The following SRP9 variants were observed in gnomAD, a reference collection of about 807,000 sequenced individuals.
SRP9 encodes the protein signal recognition particle 9, also known as signal recognition particle 9 kDa protein.
SRP9 carries 2 observed loss-of-function variants against 11.7 expected under a neutral mutation model. The observed-to-expected ratio is 0.17, with a 90% CI of 0.07 to 0.54. The LOEUF is 0.54. SRP9 is among the 20% of genes least tolerant of loss of function. SRP9 has a pLI of 0.94. For missense variants in SRP9, 54 were observed against 108.1 expected (o/e 0.50, Z 2.22); for synonymous variants, 27 against 35.6 (o/e 0.76, Z 0.86).
intron 2 of SRP9, 128 bp from the exon 3 acceptor site, chr1:225,789,112 G>C: frequency 1.3e-6 from 2 of 1,551,324 alleles, no homozygotes; most frequent in Non-Finnish European, 1.7e-6. Flanking sequence ...TCCCTAGTAC[G>C]ACCTCCAAGG....
In SRP9 at chr1:225,781,911, A is replaced by T. The variant is rs375464419; in HGVS notation, c.73-1389A>T. On this transcript the variant is annotated intron_variant, in intron 1 of 2. Transcript: ENST00000304786. Reference sequence around the variant, plus strand: ...AATTAACCTAGTTACTACTATTTATACCTGCTTAAATGCTTGATGAGTTCC... The same window carrying T: ...AATTAACCTAGTTACTACTATTTATTCCTGCTTAAATGCTTGATGAGTTCC... Among the ~76,000 whole-genome samples the T allele has an allele frequency of 7.9e-5, 12 of 152,320 alleles. No homozygotes were observed. The East Asian group carries it at 1.9e-3, about 24-fold the overall frequency.
intron 2 of SRP9, chr1:225,789,035 A>C (rs1218922481): frequency 6.4e-7 from 1 of 1,550,910 alleles, no homozygotes; most frequent in East Asian, 2.4e-5. Flanking sequence ...TGTCCACAGC[A>C]GTGGCATTTA....
chr1:225,784,634 G>A (rs372927865), intron 2 of SRP9, among the ~76,000 whole-genome samples: 1 of 151,906 alleles, frequency 6.6e-6, no homozygotes, highest in East Asian at 2.0e-4. Context: ...AAGGTCAGGA[G>A]ATCGAGACCA....
chr1:225,784,913 C>T (rs554878669), intron 2 of SRP9, among the ~76,000 whole-genome samples: 17 of 152,146 alleles, frequency 1.1e-4, no homozygotes, highest in South Asian at 4.2e-4. Context: ...TTATTTTCCA[C>T]GTGGTCAGAA....
At chr1:225,788,933 A>G in intron 2 of SRP9, 1 of 1,422,028 alleles carries the variant, frequency 7.0e-7, no homozygotes. Flanking sequence ...GAAAATATCT[A>G]ATTCTAAGTC....
At chr1:225,779,798 T>A (rs1665758687) in intron 1 of SRP9, among the ~76,000 whole-genome samples, 1 of 152,210 alleles carries the variant, frequency 6.6e-6, no homozygotes, top group African/African-American at 2.4e-5. Context: ...GCAGGGTCAT[T>A]TGTTTCTTCA....
chr1:225,789,132 C>A, intron 2 of SRP9, 108 bp from the exon 3 acceptor site: 1 of 1,551,632 alleles, frequency 6.4e-7, no homozygotes, highest in Non-Finnish European at 8.7e-7. Flanking sequence ...GAGAATAGAG[C>A]AAAACAGTGG....
chr1:225,783,181 C>G (rs1419518460), intron 1 of SRP9, 119 bp from the exon 2 acceptor site: 1 of 662,628 alleles, frequency 1.5e-6, no homozygotes. Flanking sequence ...GTAAAAATGC[C>G]TTTAGATGTT....
intron 2 of SRP9, among the ~76,000 whole-genome samples, chr1:225,784,433 T>C (rs1428611603): frequency 4.6e-5 from 7 of 150,572 alleles, no homozygotes; most frequent in African/African-American, 1.7e-4. Context: ...GTATTTTTAG[T>C]AGAGACAGGG....
intron 1 of SRP9, among the ~76,000 whole-genome samples, chr1:225,781,224 C>G (rs987131351): frequency 4.6e-5 from 7 of 151,950 alleles, no homozygotes; most frequent in African/African-American, 1.7e-4. Context: ...AGCATTTTAT[C>G]TGTATATCCC....
chr1:225,782,611 C>T (rs1665822917), intron 1 of SRP9, among the ~76,000 whole-genome samples: 1 of 152,162 alleles, frequency 6.6e-6, no homozygotes, highest in South Asian at 2.1e-4. Flanking sequence ...TAGGAATATG[C>T]TAATATCTAA....
rs67816765 is a variant in SRP9, at chr1:225,780,178, A to ATTT, written c.72+2190_72+2192dup. 1.9e-3 allele frequency among the ~76,000 whole-genome samples: 245 copies of ATTT among 130,156 alleles called. 4 individuals are homozygous for ATTT. Among genetic ancestry groups the ATTT allele is most frequent in the East Asian group, 0.013 (55 of 4,380 alleles). The allele number at this position is 130,156 out of a possible 152,430, so 85.4% of individuals were successfully genotyped here. A position where few individuals can be genotyped will look rare whatever the true frequency, so the allele number is the denominator to read the frequency against. On this transcript the variant is annotated intron_variant, in intron 1 of 2. Coordinates refer to ENST00000304786, the MANE Select transcript of SRP9 (RefSeq NM_003133.6). ...ACAGACATGCCACCATGCCTGCCTA[A>ATTT]TTTTTTTTTTTTTTTTTTTTTTTTT...
chr1:225,778,128 T>G (rs1278134775), intron 1 of SRP9, 116 bp downstream of exon 1: 38 of 1,132,632 alleles, frequency 3.4e-5, no homozygotes. Context: ...TGAACACAAA[T>G]GGACCCTGCC....
chr1:225,780,996 C>T (rs559599701), intron 1 of SRP9, among the ~76,000 whole-genome samples: 1 of 152,366 alleles, frequency 6.6e-6, no homozygotes, highest in East Asian at 1.9e-4. Flanking sequence ...CTCCCAGTCA[C>T]AGTCTGACCC....
chr1:225,788,420 T>C (rs1412060485), intron 2 of SRP9, among the ~76,000 whole-genome samples: 1 of 150,926 alleles, frequency 6.6e-6, no homozygotes, highest in Non-Finnish European at 1.5e-5. Flanking sequence ...CAAGATTTTT[T>C]TTTTTTTTTT....
At chr1:225,783,699 A>G (rs1016554140) in intron 2 of SRP9, among the ~76,000 whole-genome samples, 1 of 152,160 alleles carries the variant, frequency 6.6e-6, no homozygotes, top group Non-Finnish European at 1.5e-5. Context: ...GCTTTATTGT[A>G]TTTCCTGTCT....
rs148350559 is a variant in SRP9 at position 225,785,937 on chromosome 1, C to T, written c.141+2569C>T. 1.5e-4 allele frequency among the ~76,000 whole-genome samples: 23 copies of T among 152,210 alleles called. No individual in the cohort carries two copies. The East Asian group carries it at 3.7e-3, about 24-fold the overall frequency. On this transcript the variant is annotated intron_variant, in intron 2 of 2. Coordinates refer to ENST00000304786, the MANE Select transcript of SRP9 (RefSeq NM_003133.6). ...CTGACCTCAAGCGATCCACCCACCT[C>T]GGCCTCCCAAAGTGCTGGGATTACA...
chr1:225,785,655 T>TA lies in SRP9; in HGVS notation c.141+2288dup, dbSNP rs538906139. 3.6e-4 allele frequency among the ~76,000 whole-genome samples: 54 copies of TA among 149,500 alleles called. No individual in the cohort carries two copies. In the South Asian group the frequency reaches 0.011, roughly 29 times the overall value. The stretch of plus-strand genomic sequence containing the variant: ...TTGGCCTCCCAAAGTGTTGGGATTA[T>TA]AGGCGTGAGCCACTGTGCCTGGACT... On this transcript the variant is annotated intron_variant, in intron 2 of 2. Coordinates refer to ENST00000304786, the MANE Select transcript of SRP9 (RefSeq NM_003133.6).
chr1:225,783,197 G>A (rs980021826), intron 1 of SRP9, 103 bp from the exon 2 acceptor site: 2 of 770,948 alleles, frequency 2.6e-6, no homozygotes, highest in African/African-American at 1.7e-5. Context: ...ATGTTTGGGG[G>A]TATTTATTCT....
Sources: allele counts gnomAD v4.1 joint callset (sites outside exome capture counted in the v4.1 genomes callset), GRCh38; gene constraint gnomAD v4.1.1; transcripts MANE v1.5; gene names NCBI Gene and HGNC (gene_info 2026-07-23, HGNC 2026-07-21).